EEFSEC: variants seen among roughly 807,000 people sequenced by gnomAD.
The protein encoded by EEFSEC is eukaryotic elongation factor, selenocysteine-tRNA specific.
In EEFSEC, 43 loss-of-function variants were observed where a neutral mutation model predicts 42.1. That is an observed-to-expected ratio of 1.02 (90% CI 0.80 to 1.32). The LOEUF is 1.32. Ranked by LOEUF, EEFSEC falls within the 40% of genes most tolerant of loss-of-function variation. The pLI, the probability that EEFSEC is intolerant of heterozygous loss-of-function variation, is 0.00. For synonymous variants in EEFSEC, 354 were observed against 339.1 expected (o/e 1.04, Z -0.48); for missense variants, 745 against 803.6 (o/e 0.93, Z 0.88).
At chr3:128,229,731 C>T (rs1035343720) in intron 1 of EEFSEC, among the ~76,000 whole-genome samples, 1 of 152,138 alleles carries the variant, frequency 6.6e-6, no homozygotes, top group Non-Finnish European at 1.5e-5. Flanking sequence ...TAAACATTGG[C>T]GAATTTCATA....
chr3:128,155,983 T>C (rs781442678), intron 1 of EEFSEC, among the ~76,000 whole-genome samples: 11 of 152,244 alleles, frequency 7.2e-5, no homozygotes, highest in Non-Finnish European at 1.6e-4. Context: ...GAATTCTGTT[T>C]GGTCACATCA....
In EEFSEC at chr3:128,408,408, G is replaced by C. The variant is rs940952202; in HGVS notation, c.*149G>C. 7.1e-6 allele frequency: 6 copies of C among 846,284 alleles called. No individual in the cohort carries two copies. The African/African-American group carries it at 1.1e-4, about 15-fold the overall frequency. The allele number at this position is 846,284 out of a possible 1,614,324, so 52.4% of individuals were successfully genotyped here. On this transcript the variant is annotated 3_prime_UTR_variant, in exon 7 of 7. Coordinates refer to ENST00000254730, the MANE Select transcript of EEFSEC (RefSeq NM_021937.5). Reference sequence around the variant, plus strand: ...ACCCCCAAGCTTGGTGCTGAGCCCTGGTGAGGAGCTGAGGGGGATGGGTTG... The same window carrying C: ...ACCCCCAAGCTTGGTGCTGAGCCCTCGTGAGGAGCTGAGGGGGATGGGTTG...
At chr3:128,212,017 G>T (rs2065763054) in intron 1 of EEFSEC, among the ~76,000 whole-genome samples, 1 of 151,378 alleles carries the variant, frequency 6.6e-6, no homozygotes, top group African/African-American at 2.4e-5. Context: ...CCGCCACCAA[G>T]CCCGACTACT....
the EEFSEC span, among the ~76,000 whole-genome samples, chr3:128,416,171 G>A: frequency 1.5e-4 from 23 of 152,284 alleles, 1 homozygote; most frequent in East Asian, 1.2e-3. Context: ...CCGGAAGGTG[G>A]GGGAGGGGCC....
chr3:128,161,003 G>A (rs1222364261), intron 1 of EEFSEC, among the ~76,000 whole-genome samples: 1 of 152,082 alleles, frequency 6.6e-6, no homozygotes, highest in Non-Finnish European at 1.5e-5. Context: ...TTCCTAGGAG[G>A]TAAGAGTTGC....
At chr3:128,249,045 G>A (rs1384110570) in intron 2 of EEFSEC, among the ~76,000 whole-genome samples, 1 of 152,220 alleles carries the variant, frequency 6.6e-6, no homozygotes, top group Non-Finnish European at 1.5e-5. Context: ...TTACCTCCAT[G>A]AAGCAAAGAA....
chr3:128,275,698 C>T (rs1023408685), intron 4 of EEFSEC, among the ~76,000 whole-genome samples: 1 of 152,222 alleles, frequency 6.6e-6, no homozygotes, highest in African/African-American at 2.4e-5. Flanking sequence ...GAGGGCTTTG[C>T]CCAGGCATTC....
chr3:128,353,121 AC>A (rs1368474595), intron 5 of EEFSEC, among the ~76,000 whole-genome samples: 2 of 152,258 alleles, frequency 1.3e-5, no homozygotes, highest in African/African-American at 4.8e-5. Flanking sequence ...TAACAAAATA[AC>A]TTTGATATAT....
chr3:128,221,339 A>G (rs1366393053), intron 1 of EEFSEC, among the ~76,000 whole-genome samples: 1 of 152,264 alleles, frequency 6.6e-6, no homozygotes, highest in Non-Finnish European at 1.5e-5. Context: ...AGGGGTATAC[A>G]GATTGGAGAT....
At chr3:128,328,258 C>G (rs1292453949) in intron 4 of EEFSEC, among the ~76,000 whole-genome samples, 1 of 152,188 alleles carries the variant, frequency 6.6e-6, no homozygotes, top group African/African-American at 2.4e-5. Flanking sequence ...AGAAGTGGGC[C>G]AGGCCTAAGT....
At chr3:128,381,975 C>T (rs929423039) in intron 6 of EEFSEC, among the ~76,000 whole-genome samples, 2 of 152,140 alleles carry the variant, frequency 1.3e-5, no homozygotes, top group African/African-American at 2.4e-5. Flanking sequence ...CACGTGAGGA[C>T]GCCATCCACT....
chr3:128,199,168 G>T (rs144674291), intron 1 of EEFSEC, among the ~76,000 whole-genome samples: 4 of 152,152 alleles, frequency 2.6e-5, no homozygotes, highest in African/African-American at 9.6e-5. Context: ...CATTTTTTGT[G>T]CATTTTTACA....
rs549163254 is a variant in EEFSEC, at chr3:128,230,021, TTTTTC to T, written c.317-16800_317-16796del. Reference sequence around the variant, plus strand: ...TTTATTTTTTCTTTCTTTATCTCTCTTTTTCTTTTCTTTTCTTTTTTCTTTTCCTT... The same window carrying T: ...TTTATTTTTTCTTTCTTTATCTCTCTTTTTCTTTTCTTTTTTCTTTTCCTT... On this transcript the variant is annotated intron_variant, in intron 1 of 6. Transcript: ENST00000254730. Among the ~76,000 whole-genome samples the T allele has an allele frequency of 7.8e-4, 118 of 152,124 alleles. 1 individual carries two copies. The highest frequency in any genetic ancestry group is 1.1e-3 in the Non-Finnish European group (78 of 67,976).
intron 6 of EEFSEC, among the ~76,000 whole-genome samples, chr3:128,366,443 C>G (rs995308991): frequency 2.0e-5 from 3 of 152,204 alleles, no homozygotes; most frequent in Non-Finnish European, 4.4e-5. Context: ...GCCAGCAGCC[C>G]AGGGAAACCA....
At position 128,408,284 on chromosome 3, in the gene EEFSEC, C is replaced by T; in HGVS notation, c.*25C>T. 6.5e-7 allele frequency: 1 copy of T among 1,532,446 alleles called. No individual in the cohort carries two copies. The allele number at this position is 1,532,446 out of a possible 1,614,324, so 94.9% of individuals were successfully genotyped here. On this transcript the variant is annotated 3_prime_UTR_variant, in exon 7 of 7. Coordinates refer to ENST00000254730, the MANE Select transcript of EEFSEC (RefSeq NM_021937.5). ...AGTGTCCGGTGACCTCCCCCAGGGC[C>T]TCCTTGCCCAGCCCAGTCCAGGCTG... is the stretch of plus-strand genomic sequence containing the variant.
At chr3:128,324,497 T>A (rs1013264501) in intron 4 of EEFSEC, among the ~76,000 whole-genome samples, 1 of 152,152 alleles carries the variant, frequency 6.6e-6, no homozygotes, top group African/African-American at 2.4e-5. Flanking sequence ...AAATACAGAT[T>A]TCAGGTGGTT....
intron 3 of EEFSEC, among the ~76,000 whole-genome samples, chr3:128,263,790 A>G (rs1365082104): frequency 1.3e-5 from 2 of 152,214 alleles, no homozygotes; most frequent in Non-Finnish European, 2.9e-5. Flanking sequence ...ATGAGCCCTG[A>G]CAGCATCTCC....
chr3:128,358,070 C>T, intron 5 of EEFSEC, 147 bp from the exon 6 acceptor site: 3 of 986,092 alleles, frequency 3.0e-6, no homozygotes, highest in Non-Finnish European at 4.4e-6. Flanking sequence ...TAGGTGGGCT[C>T]ATCACCAGGC....
chr3:128,162,281 G>A (rs759532048), intron 1 of EEFSEC, among the ~76,000 whole-genome samples: 1 of 152,116 alleles, frequency 6.6e-6, no homozygotes, highest in Non-Finnish European at 1.5e-5. Context: ...CTGCTTCTTC[G>A]ACGTCCTCTA....
Sources: gnomAD v4.1 joint callset for allele counts (sites outside exome capture counted in the v4.1 genomes callset) on GRCh38, gnomAD v4.1.1 for gene constraint, MANE v1.5 for transcripts, NCBI Gene and HGNC (gene_info 2026-07-23, HGNC 2026-07-21) for gene names.